Variants in SH3PXD2B observed in about 807,000 individuals in gnomAD.
SH3PXD2B encodes the protein SH3 and PX domain-containing protein 2B.
A neutral mutation model predicts 73.1 loss-of-function variants in SH3PXD2B; 37 were observed. The ratio of observed to expected loss-of-function variants is 0.51; its 90% CI spans 0.39 to 0.67. The LOEUF (loss-of-function observed/expected upper bound fraction) is 0.67, where lower values mean the gene tolerates loss of function less well. Among genes scored for constraint, SH3PXD2B ranks in the 30% least tolerant of loss-of-function variants. The pLI is 0.00. For missense variants in SH3PXD2B, 1,053 were observed against 1,197.8 expected, an observed-to-expected ratio of 0.88 and a Z score of 1.78; for synonymous variants, 457 against 480.5, an observed-to-expected ratio of 0.95 and a Z score of 0.64.
rs1224804683 is a variant in SH3PXD2B at position 172,362,602 on chromosome 5, G to A, written c.562+133C>T. ...GTGATCAAACAGGGGCCTCTTTCTA[G>A]GAGACCCTCAGCAGGATCTATGGGA... On this transcript the variant is annotated intron_variant, in intron 7 of 12. Coordinates refer to ENST00000311601, the MANE Select transcript of SH3PXD2B (RefSeq NM_001017995.3). 8 of 1,269,872 alleles carry A rather than the reference G, an allele frequency of 6.3e-6. No homozygotes were observed. In the Admixed American group the frequency reaches 1.2e-4, roughly 19 times the overall value. 78.7% of individuals were successfully genotyped at this position (1,269,872 alleles called of 1,614,324 possible).
intron 5 of SH3PXD2B, among the ~76,000 whole-genome samples, chr5:172,374,684 G>C (rs190706150): frequency 6.6e-6 from 1 of 152,100 alleles, no homozygotes; most frequent in Admixed American, 6.6e-5. Context: ...CCATCTTGGT[G>C]GGGGGAGTGG....
chr5:172,342,590 C>A (rs751557889), intron 12 of SH3PXD2B, among the ~76,000 whole-genome samples: 1 of 152,038 alleles, frequency 6.6e-6, no homozygotes, highest in Admixed American at 6.5e-5. Flanking sequence ...TGAAACCCTG[C>A]GTCTACGAAA....
At chr5:172,348,354 C>T (rs1238906017) in intron 10 of SH3PXD2B, among the ~76,000 whole-genome samples, 2 of 151,524 alleles carry the variant, frequency 1.3e-5, no homozygotes, top group Non-Finnish European at 2.9e-5. Context: ...AATGGAGTTT[C>T]GCTCTTGTCA....
Position 172,336,880 on chromosome 5 carries a change from C to G in SH3PXD2B, c.*1489G>C. 1 of 985,422 alleles carries G rather than the reference C, an allele frequency of 1.0e-6. No homozygotes were observed. Among genetic ancestry groups the G allele is most frequent in the Non-Finnish European group, 1.2e-6 (1 of 829,952 alleles). The allele number at this position is 985,422 out of a possible 1,614,324, so 61.0% of individuals were successfully genotyped here. On this transcript the variant is annotated 3_prime_UTR_variant, in exon 13 of 13. Coordinates refer to ENST00000311601, the MANE Select transcript of SH3PXD2B (RefSeq NM_001017995.3). ...AGATGACCACATCTGCCCTGGGTTT[C>G]TTCAAGGGAGAAAACAGATTTGGCA...
chr5:172,407,314 C>A (rs975148776), intron 2 of SH3PXD2B, among the ~76,000 whole-genome samples: 2 of 152,220 alleles, frequency 1.3e-5, no homozygotes. Flanking sequence ...AGACATGTGT[C>A]ACTTCAGGGT....
chr5:172,333,810 C>A lies in SH3PXD2B; in HGVS notation c.*4559G>T, dbSNP rs1228184824. The A allele has an allele frequency of 7.8e-7, 1 of 1,288,838 alleles. No homozygotes were observed. Among genetic ancestry groups the A allele is most frequent in the Non-Finnish European group, 1.0e-6 (1 of 988,634 alleles). 79.8% of individuals were successfully genotyped at this position (1,288,838 alleles called of 1,614,324 possible). On this transcript the variant is annotated 3_prime_UTR_variant, in exon 13 of 13. Coordinates refer to ENST00000311601, the MANE Select transcript of SH3PXD2B (RefSeq NM_001017995.3). ...AAATGGCCTGTTACTTGGAAGCTCCCCAAAGCAGGAAATGTGGGTTGTAAT... is the reference window on the plus strand; with the variant it reads ...AAATGGCCTGTTACTTGGAAGCTCCACAAAGCAGGAAATGTGGGTTGTAAT...
At chr5:172,364,328 A>G (rs1424629617) in intron 6 of SH3PXD2B, among the ~76,000 whole-genome samples, 1 of 152,050 alleles carries the variant, frequency 6.6e-6, no homozygotes, top group Non-Finnish European at 1.5e-5. Flanking sequence ...TTGTTCCTAT[A>G]AATCATTAAA....
At chr5:172,424,783 T>G (rs1323339416) in intron 1 of SH3PXD2B, among the ~76,000 whole-genome samples, 1 of 151,798 alleles carries the variant, frequency 6.6e-6, no homozygotes, top group African/African-American at 2.4e-5. Flanking sequence ...AGCTTTCTTA[T>G]CTGGTAAAAT....
intron 12 of SH3PXD2B, among the ~76,000 whole-genome samples, chr5:172,344,508 A>C (rs1756937411): frequency 6.7e-6 from 1 of 149,582 alleles, no homozygotes; most frequent in African/African-American, 2.5e-5. Flanking sequence ...GAATCACTTG[A>C]ACCTGGGAGG....
At chr5:172,329,748 A>G (rs1756522010), downstream of SH3PXD2B, among the ~76,000 whole-genome samples, 1 of 151,998 alleles carries the variant, frequency 6.6e-6, no homozygotes, top group Non-Finnish European at 1.5e-5. Context: ...TGTGTTAGCC[A>G]GGATGGTCTG....
intron 8 of SH3PXD2B, among the ~76,000 whole-genome samples, chr5:172,357,118 C>CAAA (rs59461760): frequency 0.017 from 998 of 58,910 alleles, 22 homozygotes; most frequent in South Asian, 0.026. Flanking sequence ...GACCCCATCT[C>CAAA]AAAAAAAAAA....
intron 4 of SH3PXD2B, among the ~76,000 whole-genome samples, chr5:172,384,678 G>A (rs145695026): frequency 5.9e-5 from 9 of 152,334 alleles, no homozygotes; most frequent in South Asian, 2.1e-4. Flanking sequence ...TGCAGCAGGC[G>A]TAAACACTTC....
chr5:172,357,352 A>G (rs1465699012), intron 8 of SH3PXD2B, among the ~76,000 whole-genome samples: 1 of 151,690 alleles, frequency 6.6e-6, no homozygotes, highest in Non-Finnish European at 1.5e-5. Context: ...TGAACCCAGG[A>G]GGCGGAGGTC....
At chr5:172,349,800 T>TG (rs1757117777) in intron 10 of SH3PXD2B, among the ~76,000 whole-genome samples, 1 of 152,162 alleles carries the variant, frequency 6.6e-6, no homozygotes, top group Admixed American at 6.5e-5. Flanking sequence ...GTGTGACCAC[T>TG]GTGAGATAGC....
chr5:172,440,285 C>T (rs77582129), intron 1 of SH3PXD2B, among the ~76,000 whole-genome samples: 5,993 of 152,314 alleles, frequency 0.039, 362 homozygotes, highest in African/African-American at 0.13. Flanking sequence ...CAATCCTGCA[C>T]GTCCTCCTAC....
At chr5:172,413,475 C>T (rs1417165521) in intron 2 of SH3PXD2B, among the ~76,000 whole-genome samples, 1 of 152,256 alleles carries the variant, frequency 6.6e-6, no homozygotes, top group African/African-American at 2.4e-5. Context: ...TTCTGCCCCA[C>T]TACCTCCTCA....
At position 172,378,945 on chromosome 5, in the gene SH3PXD2B, C is replaced by T. The variant is rs527904713; in HGVS notation, c.401+3091G>A. Among the ~76,000 whole-genome samples, 3 of 152,070 alleles carry T rather than the reference C, an allele frequency of 2.0e-5. No homozygotes were observed. In the South Asian group the frequency reaches 6.2e-4, roughly 32 times the overall value. ...ATTAGCCGGGCATGGTGGCGGGCGC[C>T]TGTAGTCCCAGCTACTTGGGAGGCT... is the stretch of plus-strand genomic sequence containing the variant. On this transcript the variant is annotated intron_variant, in intron 5 of 12. Coordinates refer to ENST00000311601, the MANE Select transcript of SH3PXD2B (RefSeq NM_001017995.3).
chr5:172,340,356 A>C (rs1020777061), intron 12 of SH3PXD2B, among the ~76,000 whole-genome samples: 10 of 152,184 alleles, frequency 6.6e-5, no homozygotes, highest in Non-Finnish European at 1.3e-4. Context: ...GCATTTATCT[A>C]TTGACTCTCA....
At chr5:172,446,393 C>T (rs1581347055) in intron 1 of SH3PXD2B, among the ~76,000 whole-genome samples, 1 of 152,234 alleles carries the variant, frequency 6.6e-6, no homozygotes, top group African/African-American at 2.4e-5. Flanking sequence ...ACAGGCTGCT[C>T]GGGGGGCAGT....
Sources: allele counts gnomAD v4.1 joint callset (sites outside exome capture counted in the v4.1 genomes callset), GRCh38; gene constraint gnomAD v4.1.1; transcripts MANE v1.5; gene names NCBI Gene and HGNC (gene_info 2026-07-23, HGNC 2026-07-21).